ZNF783: variants seen among roughly 807,000 people sequenced by gnomAD.
ZNF783 encodes protein ZNF783.
A neutral mutation model predicts 31.3 loss-of-function variants in ZNF783; 25 were observed. The observed-to-expected ratio is 0.80, with a 90% CI of 0.58 to 1.11. The LOEUF is 1.11. ZNF783 is among the 50% of genes most tolerant of loss of function. The pLI is 0.00. For missense variants in ZNF783, 797 were observed against 760.0 expected (o/e 1.05, Z -0.57); for synonymous variants, 369 against 319.1 (o/e 1.16, Z -1.66).
chr7:149,272,633 T>G (rs1410592095), intron 4 of ZNF783, among the ~76,000 whole-genome samples: 1 of 152,178 alleles, frequency 6.6e-6, no homozygotes, highest in East Asian at 1.9e-4. Context: ...GTGTGCATAT[T>G]TATGGGGTAC....
At chr7:149,276,497 G>A in intron 4 of ZNF783, 6 of 985,522 alleles carry the variant, frequency 6.1e-6, no homozygotes, top group Non-Finnish European at 7.2e-6. Flanking sequence ...CGTACGTAAA[G>A]GGGAATCGGT....
chr7:149,264,533 A>C (rs1256100714), intron 1 of ZNF783, among the ~76,000 whole-genome samples: 1 of 152,134 alleles, frequency 6.6e-6, no homozygotes, highest in African/African-American at 2.4e-5. Context: ...GCTATTGAAG[A>C]GTTTTAAGCA....
chr7:149,268,961 C>T (rs753715130), intron 4 of ZNF783, among the ~76,000 whole-genome samples: 9 of 151,984 alleles, frequency 5.9e-5, no homozygotes, highest in Non-Finnish European at 8.8e-5. Flanking sequence ...GGGTATATAC[C>T]CAGTAACAGG....
chr7:149,273,043 C>T (rs1401605968), intron 4 of ZNF783, among the ~76,000 whole-genome samples: 1 of 152,172 alleles, frequency 6.6e-6, no homozygotes, highest in Admixed American at 6.5e-5. Flanking sequence ...ACATGATGTC[C>T]TCCAGTTCCA....
rs527939496 is a variant in ZNF783, at chr7:149,266,234, G to T, written c.25-101G>T. On this transcript the variant is annotated intron_variant, in intron 1 of 5. Transcript: ENST00000434415. Reference sequence around the variant, plus strand: ...GCTGCTAACTCAGGAGCCCAGATGGGACTTTACCATGGCAGGTGTCATTTC... The same window carrying T: ...GCTGCTAACTCAGGAGCCCAGATGGTACTTTACCATGGCAGGTGTCATTTC... 94 of 1,374,484 alleles carry T rather than the reference G, an allele frequency of 6.8e-5. No individual in the cohort carries two copies. In the Middle Eastern group the frequency reaches 7.0e-4, roughly 10 times the overall value. The allele number at this position is 1,374,484 out of a possible 1,614,324, so 85.1% of individuals were successfully genotyped here.
chr7:149,271,055 C>T (rs900275373), intron 4 of ZNF783, among the ~76,000 whole-genome samples: 1 of 152,180 alleles, frequency 6.6e-6, no homozygotes, highest in Admixed American at 6.5e-5. Context: ...TCTCCTGCCT[C>T]AGCCTCCTGA....
At position 149,266,341 on chromosome 7, in the gene ZNF783, G is replaced by A. The variant is rs762913552; in HGVS notation, c.31G>A (p.Glu11Lys). 2.3e-5 allele frequency: 36 copies of A among 1,570,996 alleles called. 1 individual carries two copies. The Admixed American group carries it at 3.3e-4, about 14-fold the overall frequency. Residue 11 changes from glutamate (E) to lysine (K), a missense_variant, in exon 2 of 6, where the codon GAG becomes AAG. Transcript: ENST00000434415. ...TTTCTCTTCTTGTGAGCAGGACCCC[G>A]AGACAGACAAGCACACAGAGGACCA... MAEAAPARDP[E>K]TDKHTEDQSP...
chr7:149,278,549 G>T, intron 5 of ZNF783, 22 bp downstream of exon 5: 1 of 1,598,934 alleles, frequency 6.3e-7, no homozygotes, highest in Non-Finnish European at 8.5e-7. Context: ...CAGTGAGGCG[G>T]CAGGATGAAC....
At chr7:149,278,135 G>C (rs991442383) in intron 4 of ZNF783, 13 of 1,215,272 alleles carry the variant, frequency 1.1e-5, no homozygotes, top group South Asian at 1.9e-5. Flanking sequence ...TAAAATGCCA[G>C]ATTCTGTCAT....
chr7:149,281,036 C>T (rs1170849549), intron 5 of ZNF783, among the ~76,000 whole-genome samples: 1 of 152,216 alleles, frequency 6.6e-6, no homozygotes, highest in African/African-American at 2.4e-5. Flanking sequence ...AGCATGGGTG[C>T]AGCACTCACC....
At chr7:149,280,233 G>A (rs982378723) in intron 5 of ZNF783, among the ~76,000 whole-genome samples, 33 of 152,232 alleles carry the variant, frequency 2.2e-4, no homozygotes, top group African/African-American at 7.2e-4. Context: ...GGGCAGAGGC[G>A]CCCCTCACCT....
rs780773117 is a variant in ZNF783, at chr7:149,281,847, G to A, written c.1145G>A (p.Arg382His). The change falls in exon 6 of 6, where the codon CGC (arginine) becomes CAC (histidine). Residue 382 changes from arginine to histidine, a missense_variant. By Grantham distance (29) the Arg-to-His change is conservative. Coordinates refer to ENST00000434415, the MANE Select transcript of ZNF783 (RefSeq NM_001195220.2). ...VEEGRQEAPGRSPTSCGDSQA... is the reference protein window; with the variant it reads ...VEEGRQEAPGHSPTSCGDSQA... ...GAGGGGCGGCAGGAGGCCCCCGGCC[G>A]CTCGCCCACCAGCTGCGGGGACAGC... 2.7e-6 allele frequency: 4 copies of A among 1,495,522 alleles called. No homozygotes were observed. Among genetic ancestry groups the A allele is most frequent in the South Asian group, 2.7e-5 (2 of 73,888 alleles). The allele number at this position is 1,495,522 out of a possible 1,614,324, so 92.6% of individuals were successfully genotyped here.
At chr7:149,266,267 T>A in intron 1 of ZNF783, 68 bp from the exon 2 acceptor site, 2 of 1,438,910 alleles carry the variant, frequency 1.4e-6, no homozygotes, top group Non-Finnish European at 1.8e-6. Flanking sequence ...TTCCGAAGTG[T>A]GTTTTTGAGG....
chr7:149,281,829 G>A lies in ZNF783; in HGVS notation c.1127G>A (p.Arg376Gln), dbSNP rs1343934588. Reference protein sequence around the residue: ...IHQRTHVEEGRQEAPGRSPTS... With the variant: ...IHQRTHVEEGQQEAPGRSPTS... Reference sequence around the variant, plus strand: ...CAGCGGACCCATGTGGAGGAGGGGCGGCAGGAGGCCCCCGGCCGCTCGCCC... The same window carrying A: ...CAGCGGACCCATGTGGAGGAGGGGCAGCAGGAGGCCCCCGGCCGCTCGCCC... Residue 376 changes from arginine (R) to glutamine (Q), a missense_variant, in exon 6 of 6, where the codon CGG (arginine) becomes CAG (glutamine). Coordinates refer to ENST00000434415, the MANE Select transcript of ZNF783 (RefSeq NM_001195220.2). 4.0e-6 allele frequency: 6 copies of A among 1,504,752 alleles called. No homozygotes were observed. The highest frequency in any genetic ancestry group is 5.3e-6 in the Non-Finnish European group (6 of 1,137,242). The allele number at this position is 1,504,752 out of a possible 1,614,324, so 93.2% of individuals were successfully genotyped here.
chr7:149,263,319 TA>T (rs1563192937), intron 1 of ZNF783, among the ~76,000 whole-genome samples: 16 of 142,758 alleles, frequency 1.1e-4, no homozygotes, highest in South Asian at 8.7e-4. Flanking sequence ...TATATATATA[TA>T]TATATTTTTT....
rs375058348 is a variant in ZNF783, at chr7:149,266,548, G to C, written c.238G>C (p.Asp80His). Residue 80 changes from aspartate (D) to histidine (H), a missense_variant, in exon 2 of 6, where the codon GAC (aspartate) becomes CAC (histidine). Transcript: ENST00000434415. ...GGGGACAGCCGAGAAGAAGCTGGCCGACTGCGAGAAGACAGCTGTGGAGTT... is the reference window on the plus strand; with the variant it reads ...GGGGACAGCCGAGAAGAAGCTGGCCCACTGCGAGAAGACAGCTGTGGAGTT... Reference protein sequence around the residue: ...RTGTAEKKLADCEKTAVEFGN... With the variant: ...RTGTAEKKLAHCEKTAVEFGN... 3.1e-6 allele frequency: 5 copies of C among 1,614,230 alleles called. No individual in the cohort carries two copies. The Admixed American group carries it at 8.3e-5, about 27-fold the overall frequency.
intron 4 of ZNF783, chr7:149,276,263 C>T (rs1585617191): frequency 2.4e-6 from 2 of 828,876 alleles, no homozygotes; most frequent in Middle Eastern, 6.1e-4. Flanking sequence ...GTTTCTCATT[C>T]TTTTTTGAGG....
Position 149,281,826 on chromosome 7 carries a change from G to T in ZNF783, c.1124G>T (p.Gly375Val). 1 of 1,504,750 alleles carries T rather than the reference G, an allele frequency of 6.6e-7. No individual in the cohort carries two copies. The highest frequency in any genetic ancestry group is 8.8e-7 in the Non-Finnish European group (1 of 1,137,204). The allele number at this position is 1,504,750 out of a possible 1,614,324, so 93.2% of individuals were successfully genotyped here. The change falls in exon 6 of 6, where the codon GGG becomes GTG. Residue 375 changes from glycine to valine, a missense_variant. Physicochemically the swap from Gly to Val is moderately radical, Grantham distance 109 (BLOSUM62 -3). Coordinates refer to ENST00000434415, the MANE Select transcript of ZNF783 (RefSeq NM_001195220.2). The stretch of plus-strand genomic sequence containing the variant: ...CATCAGCGGACCCATGTGGAGGAGG[G>T]GCGGCAGGAGGCCCCCGGCCGCTCG... Reference protein sequence around the residue: ...TIHQRTHVEEGRQEAPGRSPT... With the variant: ...TIHQRTHVEEVRQEAPGRSPT...
chr7:149,263,264 ACGTGTGTG>A (rs1375438827), intron 1 of ZNF783, among the ~76,000 whole-genome samples: 8 of 105,982 alleles, frequency 7.5e-5, no homozygotes, highest in African/African-American at 1.2e-4. Context: ...ATATATATAT[ACGTGTGTG>A]TGTGTGTGTG....
Sources: gnomAD v4.1 joint callset for allele counts (sites outside exome capture counted in the v4.1 genomes callset) on GRCh38, gnomAD v4.1.1 for gene constraint, MANE v1.5 for transcripts, NCBI Gene and HGNC (gene_info 2026-07-23, HGNC 2026-07-21) for gene names.